Variants in ARHGEF7 observed in about 807,000 individuals in gnomAD.
ARHGEF7 encodes the protein PAK-interacting exchange factor beta.
In ARHGEF7, 33 loss-of-function variants were observed where a neutral mutation model predicts 109.8. That is an observed-to-expected ratio of 0.30 (90% CI 0.23 to 0.40). ARHGEF7 has a LOEUF of 0.40. Among genes scored for constraint, ARHGEF7 ranks in the 10% least tolerant of loss-of-function variants. The pLI, the probability that ARHGEF7 is intolerant of heterozygous loss-of-function variation, is 1.00. For synonymous variants in ARHGEF7, 458 were observed against 424.6 expected, an observed-to-expected ratio of 1.08 and a Z score of -0.97; for missense variants, 938 against 1,098.5, an observed-to-expected ratio of 0.85 and a Z score of 2.07.
At chr13:111,241,066 C>G (rs7985441) in intron 6 of ARHGEF7, 2 of 1,369,198 alleles carry the variant, frequency 1.5e-6, no homozygotes, top group Non-Finnish European at 1.9e-6. Context: ...TGCTCTGAGG[C>G]GGGCAGCATA....
At chr13:111,230,809 G>A (rs1015346276) in intron 5 of ARHGEF7, among the ~76,000 whole-genome samples, 10 of 152,250 alleles carry the variant, frequency 6.6e-5, no homozygotes, top group African/African-American at 2.4e-4. Context: ...AGAATTGGGA[G>A]CTCTTTTTTC....
chr13:111,250,192 A>C (rs1271780824), intron 8 of ARHGEF7, among the ~76,000 whole-genome samples: 1 of 152,236 alleles, frequency 6.6e-6, no homozygotes, highest in Non-Finnish European at 1.5e-5. Context: ...TAGAAACTGC[A>C]ATCTGCCTTC....
Position 111,243,860 on chromosome 13 carries a change from C to T in ARHGEF7, c.760-12C>T, listed in dbSNP as rs769748222. 2.1e-5 allele frequency: 32 copies of T among 1,527,412 alleles called. No individual in the cohort carries two copies. The South Asian group carries it at 3.1e-4, about 15-fold the overall frequency. The allele number at this position is 1,527,412 out of a possible 1,614,324, so 94.6% of individuals were successfully genotyped here. On this transcript the variant is annotated splice_polypyrimidine_tract_variant and intron_variant, in intron 6 of 21. Transcript: ENST00000646102. The stretch of plus-strand genomic sequence containing the variant: ...GAAATGTCAAATAACACTTATTCAT[C>T]ATTTATTATAGGTGCTACAGAATAT...
chr13:111,286,360 G>A (rs2093018015), intron 17 of ARHGEF7, 120 bp downstream of exon 17: 1 of 768,208 alleles, frequency 1.3e-6, no homozygotes. Flanking sequence ...AGTAAGGTCT[G>A]CCCCTTGAGG....
Position 111,280,332 on chromosome 13 carries a change from A to T in ARHGEF7, c.1567A>T (p.Asn523Tyr), listed in dbSNP as rs2092712173. ...GCTTGAGGACAGTGAAAATCATAGA[A>T]ATGCATTTGAAATATCAGGTGATAG... ...TKLEDSENHRNAFEISGSMIE... is the reference protein window; with the variant it reads ...TKLEDSENHRYAFEISGSMIE... The change falls in exon 14 of 22, where the codon AAT becomes TAT. Residue 523 changes from asparagine to tyrosine, a missense_variant. Coordinates refer to ENST00000646102, the MANE Select transcript of ARHGEF7 (RefSeq NM_001354046.2). 1.9e-6 allele frequency: 3 copies of T among 1,613,624 alleles called. No homozygotes were observed. The highest frequency in any genetic ancestry group is 2.5e-6 in the Non-Finnish European group (3 of 1,179,858).
In ARHGEF7 at chr13:111,232,189, TAA is replaced by T. The variant is rs1491006616; in HGVS notation, c.671-1015_671-1014del. On this transcript the variant is annotated intron_variant, in intron 5 of 21. Coordinates refer to ENST00000646102, the MANE Select transcript of ARHGEF7 (RefSeq NM_001354046.2). ...TTGTGATAGACACACCCTATCCATC[TAA>T]CCATTAATAGAAATACACACATACC... Among the ~76,000 whole-genome samples the T allele has an allele frequency of 9.9e-5, 15 of 152,256 alleles. No individual in the cohort carries two copies. The South Asian group carries it at 2.9e-3, about 29-fold the overall frequency.
At chr13:111,281,168 G>T (rs1391300109) in intron 15 of ARHGEF7, 2 of 125,402 alleles carry the variant, frequency 1.6e-5, no homozygotes, top group Non-Finnish European at 3.4e-5. Flanking sequence ...ACAAGTCTTT[G>T]GATATTTAGA....
At chr13:111,186,267 A>G (rs2079249291) in intron 2 of ARHGEF7, among the ~76,000 whole-genome samples, 1 of 152,134 alleles carries the variant, frequency 6.6e-6, no homozygotes, top group African/African-American at 2.4e-5. Flanking sequence ...CCTTCCTGGA[A>G]ACTACCTAAA....
At chr13:111,286,267 A>T (rs754777129) in intron 17 of ARHGEF7, 27 bp downstream of exon 17, 3 of 1,582,582 alleles carry the variant, frequency 1.9e-6, no homozygotes, top group Admixed American at 3.3e-5. Flanking sequence ...CGTGTGGTGG[A>T]GGACGTGGCC....
chr13:111,269,691 A>G (rs1405638349), intron 9 of ARHGEF7, among the ~76,000 whole-genome samples: 2 of 151,996 alleles, frequency 1.3e-5, no homozygotes, highest in African/African-American at 4.8e-5. Context: ...CGGCGAGAGG[A>G]AGGTCCCCCG....
chr13:111,252,098 G>C (rs768583888), intron 8 of ARHGEF7, among the ~76,000 whole-genome samples: 11 of 152,174 alleles, frequency 7.2e-5, no homozygotes, highest in Non-Finnish European at 1.5e-5. Context: ...CTTAGCACTG[G>C]GGCAGAAGCC....
rs531187457 is a variant in ARHGEF7, at chr13:111,165,412, G to A, written c.252+11421G>A. Among the ~76,000 whole-genome samples, 32 of 152,294 alleles carry A rather than the reference G, an allele frequency of 2.1e-4. No homozygotes were observed. In the South Asian group the frequency reaches 2.3e-3, roughly 11 times the overall value. ...CAAGAGTTGCATCACTTGTATCTCC[G>A]CTGGTTGTTCAGCAAGTACTGGCAG... is the stretch of plus-strand genomic sequence containing the variant. On this transcript the variant is annotated intron_variant, in intron 2 of 21. Transcript: ENST00000646102.
chr13:111,202,576 A>G (rs2081326733), intron 2 of ARHGEF7, among the ~76,000 whole-genome samples: 1 of 152,210 alleles, frequency 6.6e-6, no homozygotes, highest in African/African-American at 2.4e-5. Context: ...CCAGCAAGTC[A>G]TGGTGGGGAA....
intron 2 of ARHGEF7, among the ~76,000 whole-genome samples, chr13:111,167,695 C>A (rs548448622): frequency 1.3e-5 from 2 of 152,344 alleles, no homozygotes; most frequent in East Asian, 3.9e-4. Flanking sequence ...AATGTCCACT[C>A]TTCTCTCTCC....
intron 2 of ARHGEF7, among the ~76,000 whole-genome samples, chr13:111,180,363 T>C (rs76659417): frequency 0.016 from 2,421 of 152,286 alleles, 54 homozygotes; most frequent in African/African-American, 0.055. Context: ...CCATGTGAGC[T>C]TCAGGAGTGA....
chr13:111,293,457 C>T (rs1030098815), intron 19 of ARHGEF7: 41 of 964,362 alleles, frequency 4.3e-5, no homozygotes, highest in Admixed American at 6.3e-5. Flanking sequence ...AAAAAAAACT[C>T]ACCCGTTTTC....
At chr13:111,184,780 G>C (rs2079084209) in intron 2 of ARHGEF7, among the ~76,000 whole-genome samples, 1 of 152,158 alleles carries the variant, frequency 6.6e-6, no homozygotes, top group South Asian at 2.1e-4. Flanking sequence ...AGAGCGGAGG[G>C]GACTGTGCAG....
intron 6 of ARHGEF7, among the ~76,000 whole-genome samples, chr13:111,238,020 G>A (rs2087075392): frequency 6.6e-6 from 1 of 152,192 alleles, no homozygotes; most frequent in South Asian, 2.1e-4. Flanking sequence ...CCTTGGGCTT[G>A]GAGAGTGACG....
intron 2 of ARHGEF7, among the ~76,000 whole-genome samples, chr13:111,193,778 G>A (rs1239089118): frequency 6.6e-6 from 1 of 152,158 alleles, no homozygotes; most frequent in African/African-American, 2.4e-5. Context: ...TACAGGTTAA[G>A]GTCAGGATTA....
Sources: gnomAD v4.1 joint callset for allele counts (sites outside exome capture counted in the v4.1 genomes callset) on GRCh38, gnomAD v4.1.1 for gene constraint, MANE v1.5 for transcripts, NCBI Gene and HGNC (gene_info 2026-07-23, HGNC 2026-07-21) for gene names.